Variants in WWOX observed in about 807,000 individuals in gnomAD.
WWOX encodes WW domain containing oxidoreductase, also known as WW domain-containing oxidoreductase.
A neutral mutation model predicts 46.2 loss-of-function variants in WWOX; 69 were observed. That is an observed-to-expected ratio of 1.49 (90% CI 1.23 to 1.82). The LOEUF is 1.82. Among genes scored for constraint, WWOX ranks in the 40% most tolerant of loss-of-function variants. The probability of loss-of-function intolerance (pLI) is 0.00; values close to 1 mark genes in which losing one functional copy is unlikely to be tolerated. For synonymous variants in WWOX, 359 were observed against 202.6 expected (o/e 1.77, Z -6.56); for missense variants, 919 against 542.6 (o/e 1.69, Z -6.89).
At chr16:78,756,979 C>A (rs768322676) in intron 8 of WWOX, 44 of 702,816 alleles carry the variant, frequency 6.3e-5, no homozygotes, top group South Asian at 5.9e-4. Flanking sequence ...CTCAAGCATA[C>A]CCGTGTAGAA....
chr16:78,816,888 C>T (rs1456520605), intron 8 of WWOX, among the ~76,000 whole-genome samples: 1 of 152,118 alleles, frequency 6.6e-6, no homozygotes, highest in Non-Finnish European at 1.5e-5. Context: ...TTACAAACAT[C>T]TGAAGGCAAG....
chr16:78,603,050 G>A (rs1174591443), intron 8 of WWOX, among the ~76,000 whole-genome samples: 1 of 152,220 alleles, frequency 6.6e-6, no homozygotes, highest in Non-Finnish European at 1.5e-5. Context: ...TGTGAACGGG[G>A]TGGAGGTGGA....
intron 8 of WWOX, among the ~76,000 whole-genome samples, chr16:78,888,172 T>C (rs1435555897): frequency 1.3e-5 from 2 of 152,214 alleles, no homozygotes; most frequent in Non-Finnish European, 1.5e-5. Context: ...GGTGAGCTCC[T>C]TAAAGATGCT....
At chr16:78,814,108 AGT>A (rs1362551009) in intron 8 of WWOX, among the ~76,000 whole-genome samples, 1 of 152,238 alleles carries the variant, frequency 6.6e-6, no homozygotes, top group Non-Finnish European at 1.5e-5. Context: ...AGTGCAGGAC[AGT>A]GTGTCATTGC....
At chr16:78,956,663 C>T (rs1399854428) in intron 8 of WWOX, among the ~76,000 whole-genome samples, 1 of 151,992 alleles carries the variant, frequency 6.6e-6, no homozygotes, top group Non-Finnish European at 1.5e-5. Context: ...CCCTAAAATA[C>T]CTCTGTTTTC....
At chr16:78,116,537 G>A (rs1404731779) in intron 4 of WWOX, among the ~76,000 whole-genome samples, 8 of 152,008 alleles carry the variant, frequency 5.3e-5, no homozygotes, top group Non-Finnish European at 1.5e-5. Context: ...ACCTCATCCT[G>A]GGCTCCAAAT....
At chr16:78,862,541 A>G (rs1428276290) in intron 8 of WWOX, among the ~76,000 whole-genome samples, 2 of 152,106 alleles carry the variant, frequency 1.3e-5, no homozygotes, top group African/African-American at 2.4e-5. Flanking sequence ...TTTTTAAATA[A>G]GGAATTGACT....
intron 8 of WWOX, among the ~76,000 whole-genome samples, chr16:78,470,880 C>G (rs538564218): frequency 6.6e-6 from 1 of 152,308 alleles, no homozygotes; most frequent in South Asian, 2.1e-4. Context: ...TGCCTACCTT[C>G]TACTCTACAG....
At chr16:78,982,431 G>C (rs1453286623) in intron 8 of WWOX, among the ~76,000 whole-genome samples, 1 of 152,202 alleles carries the variant, frequency 6.6e-6, no homozygotes, top group African/African-American at 2.4e-5. Flanking sequence ...CAATTAAATA[G>C]TGAAATGTCG....
chr16:78,313,003 T>C lies in WWOX; in HGVS notation c.517-73857T>C, dbSNP rs560242732. On this transcript the variant is annotated intron_variant, in intron 5 of 8. Coordinates refer to ENST00000566780, the MANE Select transcript of WWOX (RefSeq NM_016373.4). Reference sequence around the variant, plus strand: ...ATACCTGTTGAGTGATTGTGAATGTTTTCATTCACGGGGGCAGATTTGTGT... The same window carrying C: ...ATACCTGTTGAGTGATTGTGAATGTCTTCATTCACGGGGGCAGATTTGTGT... Among the ~76,000 whole-genome samples the C allele has an allele frequency of 1.4e-4, 21 of 152,240 alleles. 1 individual carries two copies. The highest frequency in any genetic ancestry group is 4.6e-4 in the African/African-American group (19 of 41,504).
intron 8 of WWOX, among the ~76,000 whole-genome samples, chr16:78,946,013 G>C (rs574278728): frequency 6.6e-6 from 1 of 152,106 alleles, no homozygotes; most frequent in Non-Finnish European, 1.5e-5. Context: ...ACCCAAAAGA[G>C]CCGCTGATCT....
At chr16:79,176,527 C>A (rs2050803598) in intron 8 of WWOX, among the ~76,000 whole-genome samples, 1 of 152,206 alleles carries the variant, frequency 6.6e-6, no homozygotes, top group African/African-American at 2.4e-5. Flanking sequence ...CCATTAGCAT[C>A]TGCAGTCTCT....
chr16:78,224,480 G>A (rs2036987570), intron 5 of WWOX, among the ~76,000 whole-genome samples: 1 of 151,230 alleles, frequency 6.6e-6, no homozygotes, highest in Non-Finnish European at 1.5e-5. Context: ...TAGTATTTCT[G>A]TGTCACTAAA....
chr16:79,199,257 T>A (rs1300283453), intron 8 of WWOX, among the ~76,000 whole-genome samples: 1 of 152,128 alleles, frequency 6.6e-6, no homozygotes, highest in Non-Finnish European at 1.5e-5. Context: ...GAGATGAGGT[T>A]TCACCATGTT....
intron 8 of WWOX, among the ~76,000 whole-genome samples, chr16:79,154,211 T>G (rs916224193): frequency 1.3e-5 from 2 of 152,200 alleles, no homozygotes; most frequent in African/African-American, 4.8e-5. Flanking sequence ...TCCTTTTAAT[T>G]TAGTCTAGTG....
intron 8 of WWOX, among the ~76,000 whole-genome samples, chr16:78,974,367 C>T (rs1185087150): frequency 1.3e-5 from 2 of 152,138 alleles, no homozygotes; most frequent in South Asian, 2.1e-4. Flanking sequence ...CTTAATTGAA[C>T]AGTACGTGGG....
At chr16:78,653,654 T>C (rs1476603216) in intron 8 of WWOX, among the ~76,000 whole-genome samples, 1 of 152,232 alleles carries the variant, frequency 6.6e-6, no homozygotes, top group Non-Finnish European at 1.5e-5. Flanking sequence ...TGACCCTGTG[T>C]AGGACAGAGG....
chr16:78,456,465 C>G (rs1457682316), intron 8 of WWOX, among the ~76,000 whole-genome samples: 2 of 152,108 alleles, frequency 1.3e-5, no homozygotes, highest in African/African-American at 4.8e-5. Context: ...GAGCACTTAA[C>G]AAAATACTTT....
intron 8 of WWOX, among the ~76,000 whole-genome samples, chr16:78,646,116 A>G (rs2046835420): frequency 6.6e-6 from 1 of 152,062 alleles, no homozygotes; most frequent in African/African-American, 2.4e-5. Context: ...TCCCTCTACA[A>G]AGTCCCATCT....
Sources: gnomAD v4.1 joint callset for allele counts (sites outside exome capture counted in the v4.1 genomes callset) on GRCh38, gnomAD v4.1.1 for gene constraint, MANE v1.5 for transcripts, NCBI Gene and HGNC (gene_info 2026-07-23, HGNC 2026-07-21) for gene names.